Variants in INTS6L observed in about 807,000 individuals in gnomAD.
INTS6L encodes the protein integrator complex subunit 6 like.
Under a neutral mutation model 64.7 loss-of-function variants are expected in INTS6L, and 18 were observed. That is an observed-to-expected ratio of 0.28 (90% CI 0.19 to 0.41). INTS6L has a LOEUF of 0.41. Ranked by LOEUF, INTS6L falls within the 10% of genes least tolerant of loss-of-function variation. INTS6L has a pLI of 1.00. For synonymous variants in INTS6L, 227 were observed against 235.9 expected (o/e 0.96, Z 0.34); for missense variants, 533 against 661.0 (o/e 0.81, Z 2.12).
intron 2 of INTS6L, among the ~76,000 whole-genome samples, chrX:135,528,886 G>A (rs1488660264): frequency 1.7e-4 from 2 of 11,677 alleles, no homozygotes; most frequent in African/African-American, 7.2e-4. Flanking sequence ...CCGACCCACC[G>A]CAATAAAAGA....
rs781923682 is a variant in INTS6L, at chrX:135,527,085, A to G, written c.189+5767A>G. Among the ~76,000 whole-genome samples, 374 of 111,865 alleles carry G rather than the reference A, an allele frequency of 3.3e-3. 1 individual carries two copies. Among genetic ancestry groups the G allele is most frequent in the Non-Finnish European group, 5.8e-3 (308 of 53,222 alleles). On this transcript the variant is annotated intron_variant, in intron 2 of 17. Transcript: ENST00000639893. ...AATCCTAATGACTTGATGCATTTTT[A>G]TATTTATACATTCATGTAACCACCA...
chrX:135,577,286 A>G lies in INTS6L; in HGVS notation c.1978A>G (p.Arg660Gly). Residue 660 changes from arginine to glycine, a missense_variant, in exon 15 of 18, where the codon AGA (arginine) becomes GGA (glycine). Physicochemically the swap from Arg to Gly is moderately radical, Grantham distance 125 (BLOSUM62 -2). Coordinates refer to ENST00000639893, the MANE Select transcript of INTS6L (RefSeq NM_001351601.3). ...ACCCAACAGTCCTATGTCATCTAAGAGAAGGCGGAGTATGTCCCTGCTGTT... is the reference window on the plus strand; with the variant it reads ...ACCCAACAGTCCTATGTCATCTAAGGGAAGGCGGAGTATGTCCCTGCTGTT... ...GEPNSPMSSK[R>G]RRSMSLLLRK... 8.3e-7 allele frequency: 1 copy of G among 1,211,683 alleles called. No homozygotes were observed. Among genetic ancestry groups the G allele is most frequent in the Non-Finnish European group, 1.1e-6 (1 of 895,513 alleles).
chrX:135,568,092 T>C (rs2086999061), intron 9 of INTS6L, among the ~76,000 whole-genome samples: 1 of 111,391 alleles, frequency 9.0e-6, no homozygotes, highest in Non-Finnish European at 1.9e-5. Flanking sequence ...GTACCTATAG[T>C]ATGTGTGGCA....
At chrX:135,530,145 T>G (rs2085866301) in intron 2 of INTS6L, among the ~76,000 whole-genome samples, 1 of 112,819 alleles carries the variant, frequency 8.9e-6, no homozygotes, top group South Asian at 3.6e-4. Context: ...ATAGCTGCTT[T>G]TAATGTAATA....
At chrX:135,549,907 C>T in intron 7 of INTS6L, 102 bp downstream of exon 7, 1 of 939,592 alleles carries the variant, frequency 1.1e-6, no homozygotes, top group Admixed American at 2.7e-5. Flanking sequence ...TGCCATGCCA[C>T]AGGCAAGTAA....
At chrX:135,558,471 T>C (rs1300614724) in intron 9 of INTS6L, among the ~76,000 whole-genome samples, 3 of 112,192 alleles carry the variant, frequency 2.7e-5, no homozygotes, top group African/African-American at 9.7e-5. Flanking sequence ...GAAGGAAATT[T>C]TGTGACATGC....
At chrX:135,550,127 G>C (rs5974537) in intron 7 of INTS6L, among the ~76,000 whole-genome samples, 3 of 111,890 alleles carry the variant, frequency 2.7e-5, no homozygotes, top group Non-Finnish European at 5.6e-5. Context: ...CTTGATTTAC[G>C]TGGCAAACAC....
At chrX:135,570,239 C>T (rs1365819018) in intron 10 of INTS6L, 197 bp from the exon 11 acceptor site, 7 of 332,309 alleles carry the variant, frequency 2.1e-5, no homozygotes, top group Middle Eastern at 8.5e-4. Flanking sequence ...ATCCCACTCT[C>T]TTCTGATTTT....
chrX:135,556,151 C>T lies in INTS6L; in HGVS notation c.1060-17C>T. The T allele has an allele frequency of 5.2e-6, 6 of 1,163,909 alleles. No homozygotes were observed. Among genetic ancestry groups the T allele is most frequent in the Non-Finnish European group, 6.9e-6 (6 of 873,648 alleles). On this transcript the variant is annotated splice_polypyrimidine_tract_variant and intron_variant, in intron 8 of 17. Coordinates refer to ENST00000639893, the MANE Select transcript of INTS6L (RefSeq NM_001351601.3). ...TCCTTATTGTCATCACTGTGCATTA[C>T]TTCATGTTATTCTCAGGTATTTGTT...
intron 2 of INTS6L, among the ~76,000 whole-genome samples, chrX:135,530,402 G>A (rs1262280925): frequency 1.8e-5 from 2 of 111,593 alleles, no homozygotes; most frequent in African/African-American, 6.5e-5. Context: ...AGGCTGAGGA[G>A]GCCCTATAGG....
At chrX:135,567,197 T>C (rs1219648218) in intron 9 of INTS6L, among the ~76,000 whole-genome samples, 2 of 111,788 alleles carry the variant, frequency 1.8e-5, no homozygotes, top group African/African-American at 6.5e-5. Context: ...AGGTCTTCCC[T>C]CTCTTTGAAG....
intron 2 of INTS6L, among the ~76,000 whole-genome samples, chrX:135,529,206 T>G (rs994002803): frequency 2.7e-5 from 3 of 112,482 alleles, no homozygotes; most frequent in Non-Finnish European, 3.7e-5. Flanking sequence ...ACATGTCCGT[T>G]GTTTGATTTA....
intron 8 of INTS6L, among the ~76,000 whole-genome samples, chrX:135,554,770 G>A (rs1311550795): frequency 9.0e-6 from 1 of 110,589 alleles, no homozygotes; most frequent in East Asian, 2.8e-4. Flanking sequence ...CAACTGTAAG[G>A]GGGCTGATGA....
chrX:135,543,896 G>C (rs913171161), intron 2 of INTS6L, among the ~76,000 whole-genome samples: 3 of 112,028 alleles, frequency 2.7e-5, no homozygotes, highest in Non-Finnish European at 5.6e-5. Flanking sequence ...AGTACTAAAA[G>C]TCATATATAC....
chrX:135,552,191 G>T, intron 8 of INTS6L, 45 bp downstream of exon 8: 1 of 1,084,700 alleles, frequency 9.2e-7, no homozygotes, highest in Non-Finnish European at 1.2e-6. Context: ...ACCACTCTAG[G>T]ATCTGGGAAT....
At chrX:135,556,876 A>G (rs183574556) in intron 9 of INTS6L, among the ~76,000 whole-genome samples, 1 of 112,019 alleles carries the variant, frequency 8.9e-6, no homozygotes, top group African/African-American at 3.2e-5. Context: ...GTTTAGAGTA[A>G]TGTAGTACTT....
chrX:135,574,016 A>G lies in INTS6L; in HGVS notation c.1695A>G (p.Arg565=). Residue 565 remains arginine (R), a synonymous_variant, in exon 13 of 18, where the codon AGA becomes AGG. Transcript: ENST00000639893. Reference sequence around the variant, plus strand: ...TTTTAGACCAGCTGACCAGAATGAGATCCAATCTGCTGAAAACGCACAAGT... The same window carrying G: ...TTTTAGACCAGCTGACCAGAATGAGGTCCAATCTGCTGAAAACGCACAAGT... ...RGLLDQLTRM[R]SNLLKTHKFI... 1.7e-6 allele frequency: 2 copies of G among 1,205,815 alleles called. No homozygotes were observed. The highest frequency in any genetic ancestry group is 3.6e-5 in the South Asian group (2 of 55,442).
intron 11 of INTS6L, chrX:135,572,198 G>A (rs1347951280): frequency 1.8e-5 from 2 of 111,979 alleles, no homozygotes; most frequent in Non-Finnish European, 3.8e-5. Context: ...ATACACTCAA[G>A]CAGTATTAAT....
At chrX:135,546,497 G>A (rs782590261) in intron 4 of INTS6L, 28 bp downstream of exon 4, 1 of 1,082,566 alleles carries the variant, frequency 9.2e-7, no homozygotes, top group Admixed American at 3.2e-5. Flanking sequence ...TTTTAATTTT[G>A]TTTAAATGGC....
Sources: gnomAD v4.1 joint callset for allele counts (sites outside exome capture counted in the v4.1 genomes callset) on GRCh38, gnomAD v4.1.1 for gene constraint, MANE v1.5 for transcripts, NCBI Gene and HGNC (gene_info 2026-07-23, HGNC 2026-07-21) for gene names.